ARHGAP26: variants seen among roughly 807,000 people sequenced by gnomAD.
The protein encoded by ARHGAP26 is rho GTPase-activating protein 26.
Under a neutral mutation model 104.8 loss-of-function variants are expected in ARHGAP26, and 38 were observed. The observed-to-expected ratio is 0.36, with a 90% CI of 0.28 to 0.48. The LOEUF (loss-of-function observed/expected upper bound fraction) is 0.48. Among genes scored for constraint, ARHGAP26 ranks in the 20% least tolerant of loss-of-function variants. ARHGAP26 has a pLI of 0.99. For missense variants in ARHGAP26, 704 were observed against 947.9 expected, an observed-to-expected ratio of 0.74 and a Z score of 3.38; for synonymous variants, 341 against 340.0, an observed-to-expected ratio of 1.00 and a Z score of -0.03.
chr5:142,980,963 C>T (rs1025770237), intron 11 of ARHGAP26, among the ~76,000 whole-genome samples: 6 of 152,052 alleles, frequency 3.9e-5, no homozygotes, highest in Admixed American at 1.3e-4. Context: ...TTGTCATTGT[C>T]GTTGTAGTGT....
intron 10 of ARHGAP26, chr5:142,919,558 A>G (rs889375856): frequency 1.3e-5 from 5 of 397,348 alleles, no homozygotes; most frequent in African/African-American, 2.1e-5. Context: ...TTAAATGGAT[A>G]ACTCAACACC....
intron 4 of ARHGAP26, 76 bp downstream of exon 4, chr5:142,879,521 AGTCTTCAGAAAT>A (rs1756639122): frequency 1.5e-6 from 2 of 1,331,924 alleles, no homozygotes; most frequent in South Asian, 1.4e-5. Context: ...TTTAAAACAA[AGTCTTCAGAAAT>A]GTCTTCAGAA....
chr5:142,834,229 A>G (rs1769101799), intron 1 of ARHGAP26, among the ~76,000 whole-genome samples: 1 of 152,206 alleles, frequency 6.6e-6, no homozygotes, highest in Non-Finnish European at 1.5e-5. Flanking sequence ...AAATTATCAC[A>G]CAGTGAATAC....
At chr5:142,787,851 G>T (rs7727004) in intron 1 of ARHGAP26, among the ~76,000 whole-genome samples, 2,221 of 152,162 alleles carry the variant, frequency 0.015, 52 homozygotes, top group African/African-American at 0.051. Context: ...TCATCCCTAT[G>T]TATCATTAAC....
Position 143,227,420 on chromosome 5 carries a change from G to A in ARHGAP26, c.*4974G>A. ...AGCAGGATGTCTTCTCACCCACCCT[G>A]TGCTGGTGTCTAACAAATTTATCTT... On this transcript the variant is annotated 3_prime_UTR_variant, in exon 23 of 23. Coordinates refer to ENST00000645722, the MANE Select transcript of ARHGAP26 (RefSeq NM_001135608.3). 4.3e-6 allele frequency: 1 copy of A among 231,280 alleles called. No homozygotes were observed. The highest frequency in any genetic ancestry group is 6.1e-5 in the East Asian group (1 of 16,336). 14.3% of individuals were successfully genotyped at this position (231,280 alleles called of 1,614,324 possible). A position where few individuals can be genotyped will look rare whatever the true frequency, so the allele number is the denominator to read the frequency against.
intron 1 of ARHGAP26, chr5:142,772,645 C>A (rs551419820): frequency 1.5e-5 from 7 of 459,228 alleles, no homozygotes; most frequent in South Asian, 1.2e-4. Context: ...AAAACAGAGA[C>A]TGGGGGAAGC....
chr5:142,882,780 CT>C (rs1757185273), intron 4 of ARHGAP26, among the ~76,000 whole-genome samples: 1 of 152,074 alleles, frequency 6.6e-6, no homozygotes, highest in African/African-American at 2.4e-5. Flanking sequence ...AGGGGGTGTT[CT>C]TATTTTTATT....
chr5:142,950,104 A>T (rs1421376420), intron 11 of ARHGAP26, among the ~76,000 whole-genome samples: 2 of 152,192 alleles, frequency 1.3e-5, no homozygotes, highest in African/African-American at 4.8e-5. Context: ...TTGCCCAGAG[A>T]TAAAATACAA....
chr5:143,054,630 T>C, intron 15 of ARHGAP26, 104 bp downstream of exon 15: 4 of 771,088 alleles, frequency 5.2e-6, no homozygotes. Flanking sequence ...GGTGGGTGTT[T>C]GAGATGTGGA....
intron 18 of ARHGAP26, among the ~76,000 whole-genome samples, chr5:143,125,644 T>C (rs1466978657): frequency 1.3e-5 from 2 of 152,314 alleles, no homozygotes; most frequent in East Asian, 1.9e-4. Flanking sequence ...CATGGAAATT[T>C]TTCTTTTTCC....
intron 11 of ARHGAP26, among the ~76,000 whole-genome samples, chr5:142,967,168 T>C (rs555348708): frequency 1.3e-5 from 2 of 152,292 alleles, no homozygotes; most frequent in South Asian, 2.1e-4. Flanking sequence ...AATGTTTTTA[T>C]TGGAAGTAAG....
chr5:142,819,072 A>T (rs1244350335), intron 1 of ARHGAP26, among the ~76,000 whole-genome samples: 2 of 152,156 alleles, frequency 1.3e-5, no homozygotes, highest in East Asian at 3.8e-4. Context: ...AGAGAAGTTT[A>T]TTGCTAGGTT....
intron 1 of ARHGAP26, chr5:142,771,364 C>T: frequency 8.1e-7 from 1 of 1,232,096 alleles, no homozygotes; most frequent in Non-Finnish European, 1.0e-6. Context: ...CGCTGCCTCC[C>T]CTTGGGAAAA....
chr5:143,197,878 A>G (rs2151295833), intron 20 of ARHGAP26, among the ~76,000 whole-genome samples: 1 of 152,222 alleles, frequency 6.6e-6, no homozygotes, highest in East Asian at 1.9e-4. Context: ...CGTGTATAAA[A>G]GAGCACTTTC....
intron 11 of ARHGAP26, among the ~76,000 whole-genome samples, chr5:142,981,575 G>A (rs1056742842): frequency 1.3e-5 from 2 of 152,162 alleles, no homozygotes; most frequent in Non-Finnish European, 2.9e-5. Flanking sequence ...TATTTGGAAC[G>A]TTTTTTGAAG....
intron 8 of ARHGAP26, among the ~76,000 whole-genome samples, chr5:142,905,308 C>G (rs940629688): frequency 1.6e-4 from 25 of 152,204 alleles, no homozygotes; most frequent in African/African-American, 5.5e-4. Context: ...TTCACATGCT[C>G]TTTCAACATT....
intron 17 of ARHGAP26, among the ~76,000 whole-genome samples, chr5:143,118,980 G>A (rs1477847025): frequency 6.6e-6 from 1 of 151,738 alleles, no homozygotes; most frequent in East Asian, 1.9e-4. Context: ...AAAACAGTGG[G>A]GCCCACTACA....
chr5:143,008,503 CAGG>C (rs1778298636), intron 11 of ARHGAP26, among the ~76,000 whole-genome samples: 1 of 152,178 alleles, frequency 6.6e-6, no homozygotes, highest in Non-Finnish European at 1.5e-5. Context: ...ATTGGTACAT[CAGG>C]GGAACAGCCA....
intron 11 of ARHGAP26, among the ~76,000 whole-genome samples, chr5:142,979,563 A>C (rs2152725555): frequency 6.6e-6 from 1 of 152,336 alleles, no homozygotes; most frequent in South Asian, 2.1e-4. Context: ...CCACATTATC[A>C]ATCCCTGCAG....
Sources: allele counts gnomAD v4.1 joint callset (sites outside exome capture counted in the v4.1 genomes callset), GRCh38; gene constraint gnomAD v4.1.1; transcripts MANE v1.5; gene names NCBI Gene and HGNC (gene_info 2026-07-23, HGNC 2026-07-21).